The following MGRN1 variants were observed in gnomAD, a reference collection of about 807,000 sequenced individuals.
The protein encoded by MGRN1 is mahogunin ring finger 1.
MGRN1 carries 29 observed loss-of-function variants against 69.2 expected under a neutral mutation model. That is an observed-to-expected ratio of 0.42 (90% CI 0.31 to 0.57). The LOEUF (loss-of-function observed/expected upper bound fraction) is 0.57, where lower values mean the gene tolerates loss of function less well. Among genes scored for constraint, MGRN1 ranks in the 20% least tolerant of loss-of-function variants. The pLI is 0.15. For synonymous variants in MGRN1, 470 were observed against 344.2 expected, an observed-to-expected ratio of 1.37 and a Z score of -4.04; for missense variants, 998 against 796.2, an observed-to-expected ratio of 1.25 and a Z score of -3.05.
intron 5 of MGRN1, among the ~76,000 whole-genome samples, chr16:4,659,807 C>G (rs1436304550): frequency 6.7e-6 from 1 of 149,602 alleles, no homozygotes; most frequent in Non-Finnish European, 1.5e-5. Context: ...GGTGTAGATT[C>G]AGAGAAGGCT....
intron 3 of MGRN1, 90 bp downstream of exon 3, chr16:4,652,141 G>A: frequency 1.5e-6 from 2 of 1,307,768 alleles, no homozygotes; most frequent in Non-Finnish European, 2.1e-6. Flanking sequence ...GAAAAGGGCA[G>A]GCGGGAGGGG....
chr16:4,683,190 T>A, intron 14 of MGRN1, 34 bp from the exon 15 acceptor site: 1 of 1,612,158 alleles, frequency 6.2e-7, no homozygotes, highest in Non-Finnish European at 8.5e-7. Flanking sequence ...CGCGGCTCTC[T>A]GAGCTCTAGG....
chr16:4,662,845 G>C (rs550644216), intron 5 of MGRN1, among the ~76,000 whole-genome samples: 5 of 152,300 alleles, frequency 3.3e-5, no homozygotes, highest in Admixed American at 3.3e-4. Flanking sequence ...GCGGGTGCTT[G>C]GCTGCGGGCT....
chr16:4,625,374 C>T (rs1897620417), intron 1 of MGRN1, among the ~76,000 whole-genome samples: 1 of 152,226 alleles, frequency 6.6e-6, no homozygotes, highest in Non-Finnish European at 1.5e-5. Context: ...GGGTGCTGAG[C>T]GCGGGTCCCG....
chr16:4,683,994 G>A, intron 16 of MGRN1, 62 bp downstream of exon 16: 2 of 1,430,860 alleles, frequency 1.4e-6, no homozygotes, highest in Non-Finnish European at 1.9e-6. Context: ...CAGGGAGGGG[G>A]CCCTGCTCTG....
At position 4,652,768 on chromosome 16, in the gene MGRN1, C is replaced by T. The variant is rs754866166; in HGVS notation, c.387C>T (p.Arg129=). 1.4e-5 allele frequency: 22 copies of T among 1,611,962 alleles called. No homozygotes were observed. The highest frequency in any genetic ancestry group is 4.0e-5 in the African/African-American group (3 of 74,896). The change falls in exon 4 of 17, where the codon CGC becomes CGT. Residue 129 remains arginine (R), a synonymous_variant. Coordinates refer to ENST00000262370, the MANE Select transcript of MGRN1 (RefSeq NM_015246.4). ...SLEFTFDADA[R]VAITIYCQAS... Reference sequence around the variant, plus strand: ...AGTTCACCTTCGACGCCGATGCCCGCGTGGCCATCACCATCTACTGCCAGG... The same window carrying T: ...AGTTCACCTTCGACGCCGATGCCCGTGTGGCCATCACCATCTACTGCCAGG...
intron 16 of MGRN1, chr16:4,688,507 G>A: frequency 8.3e-7 from 1 of 1,199,020 alleles, no homozygotes; most frequent in Non-Finnish European, 1.0e-6. Flanking sequence ...GGCCCAGAGG[G>A]CATCCACCGC....
At chr16:4,682,116 C>T (rs1452375149) in intron 13 of MGRN1, among the ~76,000 whole-genome samples, 2 of 152,182 alleles carry the variant, frequency 1.3e-5, no homozygotes, top group South Asian at 2.1e-4. Flanking sequence ...GGTTCCCAGA[C>T]TTCATTGGGG....
intron 9 of MGRN1, 98 bp from the exon 10 acceptor site, chr16:4,673,400 G>C: frequency 6.7e-7 from 1 of 1,486,040 alleles, no homozygotes; most frequent in East Asian, 2.3e-5. Context: ...ACAGCCCCCA[G>C]GGTAGGGTGG....
intron 5 of MGRN1, among the ~76,000 whole-genome samples, chr16:4,660,737 C>A (rs534442051): frequency 1.3e-5 from 2 of 152,060 alleles, no homozygotes; most frequent in Non-Finnish European, 2.9e-5. Context: ...AGTGTGGGAG[C>A]GTTGCCAGGC....
intron 1 of MGRN1, among the ~76,000 whole-genome samples, chr16:4,626,520 A>T (rs1204205503): frequency 6.6e-6 from 1 of 152,204 alleles, no homozygotes; most frequent in Non-Finnish European, 1.5e-5. Context: ...TCAGAACCAC[A>T]CCTGGCTCAG....
intron 1 of MGRN1, among the ~76,000 whole-genome samples, chr16:4,636,639 G>C (rs1293929004): frequency 6.6e-6 from 1 of 152,130 alleles, no homozygotes; most frequent in Non-Finnish European, 1.5e-5. Context: ...TGGTCGCTCT[G>C]CATTCATACT....
At chr16:4,645,008 CTTAATT>C (rs538787863) in intron 1 of MGRN1, among the ~76,000 whole-genome samples, 2 of 152,062 alleles carry the variant, frequency 1.3e-5, no homozygotes, top group South Asian at 2.1e-4. Context: ...TTGTAGAAAA[CTTAATT>C]TTAAAAAGAT....
rs60391831 is a variant in MGRN1, at chr16:4,669,804, C to G, written c.726+1492C>G. Among the ~76,000 whole-genome samples the G allele has an allele frequency of 1.9e-3, 284 of 152,222 alleles. 1 individual carries two copies. The highest frequency in any genetic ancestry group is 6.6e-3 in the African/African-American group (275 of 41,522). The stretch of plus-strand genomic sequence containing the variant: ...TAAATGGAGCTATAGAGCAGTACAT[C>G]TGTTCTCTGGGGTCAGCGATCCTGG... On this transcript the variant is annotated intron_variant, in intron 8 of 16. Coordinates refer to ENST00000262370, the MANE Select transcript of MGRN1 (RefSeq NM_015246.4).
chr16:4,661,607 C>T (rs1460457619), intron 5 of MGRN1, among the ~76,000 whole-genome samples: 1 of 152,216 alleles, frequency 6.6e-6, no homozygotes, highest in Non-Finnish European at 1.5e-5. Context: ...TGACTCTGGC[C>T]CTGGGCCAGT....
rs2078250174 is a variant in MGRN1 at position 4,645,234 on chromosome 16, C to T, written c.89-5131C>T. Among the ~76,000 whole-genome samples, 3 of 152,176 alleles carry T rather than the reference C, an allele frequency of 2.0e-5. No homozygotes were observed. The South Asian group carries it at 6.2e-4, about 32-fold the overall frequency. On this transcript the variant is annotated intron_variant, in intron 1 of 16. Transcript: ENST00000262370. ...GGAGTGCAGTGTGGTGTGATCATGG[C>T]TTACTGCAGCCTCGAACTCTTGGAC...
chr16:4,662,280 TGA>T (rs1236393648), intron 5 of MGRN1, among the ~76,000 whole-genome samples: 3 of 152,236 alleles, frequency 2.0e-5, no homozygotes, highest in South Asian at 4.2e-4. Context: ...TTTTGGAGGC[TGA>T]GTTAGTCGGA....
intron 1 of MGRN1, among the ~76,000 whole-genome samples, chr16:4,633,191 C>A (rs572965657): frequency 1.3e-5 from 2 of 151,694 alleles, no homozygotes; most frequent in South Asian, 4.2e-4. Context: ...AGTTTGAGAG[C>A]AGCCTGGCCA....
intron 1 of MGRN1, 25 bp from the exon 2 acceptor site, chr16:4,650,333 AAATCTAT>A (rs2078376249): frequency 1.3e-6 from 2 of 1,545,324 alleles, no homozygotes; most frequent in Non-Finnish European, 1.8e-6. Flanking sequence ...AAAAAAAAAA[AAATCTAT>A]AATCGTGTTT....
Sources: allele counts gnomAD v4.1 joint callset (sites outside exome capture counted in the v4.1 genomes callset), GRCh38; gene constraint gnomAD v4.1.1; transcripts MANE v1.5; gene names NCBI Gene and HGNC (gene_info 2026-07-23, HGNC 2026-07-21).